SCLT1: variants seen among roughly 807,000 people sequenced by gnomAD.
SCLT1 encodes the protein sodium channel-associated protein 1.
Under a neutral mutation model 112.8 loss-of-function variants are expected in SCLT1, and 78 were observed. That is an observed-to-expected ratio of 0.69 (90% CI 0.58 to 0.83). SCLT1 has a LOEUF of 0.83. Among genes scored for constraint, SCLT1 ranks in the 40% least tolerant of loss-of-function variants. The probability of loss-of-function intolerance (pLI) is 0.00; values close to 1 mark genes in which losing one functional copy is unlikely to be tolerated. For missense variants in SCLT1, 747 were observed against 770.4 expected, an observed-to-expected ratio of 0.97 and a Z score of 0.36; for synonymous variants, 257 against 254.7, an observed-to-expected ratio of 1.01 and a Z score of -0.09.
At chr4:128,979,028 T>C (rs906994282) in intron 9 of SCLT1, among the ~76,000 whole-genome samples, 6 of 152,190 alleles carry the variant, frequency 3.9e-5, no homozygotes, top group Non-Finnish European at 5.9e-5. Context: ...CTCCCAAATC[T>C]ATTAGCAGGT....
At chr4:128,998,627 T>G (rs937050595) in intron 7 of SCLT1, among the ~76,000 whole-genome samples, 1 of 151,846 alleles carries the variant, frequency 6.6e-6, no homozygotes, top group African/African-American at 2.4e-5. Flanking sequence ...CTTAGTTGAT[T>G]GACCTAAATG....
At chr4:129,071,248 T>G (rs1423101933) in intron 2 of SCLT1, among the ~76,000 whole-genome samples, 1 of 152,160 alleles carries the variant, frequency 6.6e-6, no homozygotes, top group Admixed American at 6.5e-5. Context: ...GAATGTGTAT[T>G]CTGTGGTTGT....
At chr4:128,935,828 T>C (rs1179479153) in intron 18 of SCLT1, among the ~76,000 whole-genome samples, 5 of 152,274 alleles carry the variant, frequency 3.3e-5, no homozygotes, top group African/African-American at 1.2e-4. Flanking sequence ...TTTTTCAACA[T>C]GTTCTCATTC....
chr4:129,067,849 T>G (rs938799620), intron 2 of SCLT1, among the ~76,000 whole-genome samples: 1 of 151,472 alleles, frequency 6.6e-6, no homozygotes, highest in Non-Finnish European at 1.5e-5. Flanking sequence ...TTTTTTTAAA[T>G]GTTATTTCTA....
intron 11 of SCLT1, among the ~76,000 whole-genome samples, chr4:128,964,837 G>T (rs936696525): frequency 1.3e-5 from 2 of 152,114 alleles, no homozygotes; most frequent in Non-Finnish European, 2.9e-5. Flanking sequence ...AACTCTGCAG[G>T]ATGACCTGAG....
chr4:129,012,120 T>A (rs1167529252), intron 5 of SCLT1, among the ~76,000 whole-genome samples: 2 of 152,224 alleles, frequency 1.3e-5, no homozygotes, highest in East Asian at 3.8e-4. Context: ...TTAGTTGTGA[T>A]GTTAGGTTGT....
At chr4:129,080,604 T>C (rs2125771507) in intron 2 of SCLT1, among the ~76,000 whole-genome samples, 1 of 152,306 alleles carries the variant, frequency 6.6e-6, no homozygotes, top group African/African-American at 2.4e-5. Flanking sequence ...ACTATGAGCA[T>C]TTTGGTCACA....
At position 129,053,185 on chromosome 4, in the gene SCLT1, T is replaced by C. The variant is rs1310766234; in HGVS notation, c.103-9134A>G. ...TTTCAGAATGAGTGTGATGTGGTGCTGAGAATAACATATATTCTGTTGATT... is the reference window on the plus strand; with the variant it reads ...TTTCAGAATGAGTGTGATGTGGTGCCGAGAATAACATATATTCTGTTGATT... On this transcript the variant is annotated intron_variant, in intron 2 of 20. Coordinates refer to ENST00000281142, the MANE Select transcript of SCLT1 (RefSeq NM_144643.4). Among the ~76,000 whole-genome samples the C allele has an allele frequency of 3.3e-5, 5 of 152,316 alleles. No homozygotes were observed. The East Asian group carries it at 7.7e-4, about 23-fold the overall frequency.
chr4:129,082,844 G>A (rs1031497704), intron 1 of SCLT1, among the ~76,000 whole-genome samples: 3 of 152,120 alleles, frequency 2.0e-5, no homozygotes, highest in African/African-American at 7.2e-5. Flanking sequence ...AAACAGGAGT[G>A]GGTAAGAGAC....
intron 5 of SCLT1, chr4:128,873,304 AAAG>A (rs1459888336): frequency 6.6e-6 from 1 of 152,432 alleles, no homozygotes; most frequent in Non-Finnish European, 1.5e-5. Context: ...AAAAAGAAAA[AAAG>A]AGAAAAAAGC....
intron 1 of SCLT1, among the ~76,000 whole-genome samples, chr4:129,085,046 G>A (rs1752272892): frequency 6.6e-6 from 1 of 152,122 alleles, no homozygotes; most frequent in Non-Finnish European, 1.5e-5. Context: ...AAGGAGCTTT[G>A]GCACAGCAAA....
At chr4:129,022,383 A>G (rs1745567568) in intron 5 of SCLT1, among the ~76,000 whole-genome samples, 1 of 152,234 alleles carries the variant, frequency 6.6e-6, no homozygotes, top group South Asian at 2.1e-4. Context: ...CAATGCAAGG[A>G]AGCTAGGAAC....
At chr4:128,955,309 G>A (rs1739127632) in intron 13 of SCLT1, among the ~76,000 whole-genome samples, 1 of 152,048 alleles carries the variant, frequency 6.6e-6, no homozygotes, top group Admixed American at 6.6e-5. Flanking sequence ...ATAATTTTAT[G>A]AATAGTAAGG....
chr4:129,080,867 G>C (rs778803182), intron 2 of SCLT1, among the ~76,000 whole-genome samples: 7 of 152,180 alleles, frequency 4.6e-5, no homozygotes, highest in Non-Finnish European at 7.3e-5. Context: ...TCATAGTTCT[G>C]CAGTCTGTGG....
chr4:128,896,752 T>C (rs1028792546), intron 18 of SCLT1, among the ~76,000 whole-genome samples: 3 of 152,146 alleles, frequency 2.0e-5, no homozygotes, highest in Admixed American at 6.5e-5. Context: ...TTTGAACCCA[T>C]GGCAAAGAAG....
At chr4:128,931,537 A>G (rs545928820) in intron 18 of SCLT1, among the ~76,000 whole-genome samples, 1 of 152,236 alleles carries the variant, frequency 6.6e-6, no homozygotes, top group African/African-American at 2.4e-5. Context: ...ATCTTGGCTC[A>G]CTGCAAGCTC....
intron 18 of SCLT1, among the ~76,000 whole-genome samples, chr4:128,908,189 A>C (rs1346904135): frequency 6.6e-6 from 1 of 152,206 alleles, no homozygotes; most frequent in Non-Finnish European, 1.5e-5. Flanking sequence ...TATTCATTTC[A>C]GTGAAATGAT....
At chr4:129,054,612 G>A (rs985275143) in intron 2 of SCLT1, among the ~76,000 whole-genome samples, 28 of 151,940 alleles carry the variant, frequency 1.8e-4, no homozygotes, top group Admixed American at 1.3e-3. Context: ...GGTCATTTAC[G>A]TTCTTCTCTA....
chr4:128,964,373 T>C (rs541710489), intron 11 of SCLT1, among the ~76,000 whole-genome samples: 9 of 152,268 alleles, frequency 5.9e-5, no homozygotes, highest in Admixed American at 2.6e-4. Flanking sequence ...AGGGCAGAGA[T>C]AAGTGATGGG....
Sources: gnomAD v4.1 joint callset for allele counts (sites outside exome capture counted in the v4.1 genomes callset) on GRCh38, gnomAD v4.1.1 for gene constraint, MANE v1.5 for transcripts, NCBI Gene and HGNC (gene_info 2026-07-23, HGNC 2026-07-21) for gene names.